SPAG16: variants seen among roughly 807,000 people sequenced by gnomAD.
The protein encoded by SPAG16 is sperm associated antigen 16, also known as sperm-associated antigen 16 protein.
A neutral mutation model predicts 80.4 loss-of-function variants in SPAG16; 86 were observed. That is an observed-to-expected ratio of 1.07 (90% CI 0.90 to 1.28). SPAG16 has a LOEUF of 1.28. Among genes scored for constraint, SPAG16 ranks in the 50% most tolerant of loss-of-function variants. The probability of loss-of-function intolerance (pLI) is 0.00; values close to 1 mark genes in which losing one functional copy is unlikely to be tolerated. For synonymous variants in SPAG16, 294 were observed against 265.9 expected (o/e 1.11, Z -1.03); for missense variants, 870 against 765.3 (o/e 1.14, Z -1.61).
At chr2:213,524,713 A>G (rs1575834939) in intron 10 of SPAG16, among the ~76,000 whole-genome samples, 2 of 152,274 alleles carry the variant, frequency 1.3e-5, no homozygotes, top group Non-Finnish European at 2.9e-5. Flanking sequence ...ATTTTGGTCA[A>G]TTTCTCCCAT....
chr2:213,805,520 A>G (rs2071712823), intron 10 of SPAG16, among the ~76,000 whole-genome samples: 1 of 152,204 alleles, frequency 6.6e-6, no homozygotes, highest in East Asian at 1.9e-4. Flanking sequence ...AGTACCTTTT[A>G]GGTTTTTAGA....
chr2:213,873,825 A>T (rs935507979), intron 11 of SPAG16, among the ~76,000 whole-genome samples: 3 of 152,048 alleles, frequency 2.0e-5, no homozygotes, highest in Non-Finnish European at 4.4e-5. Context: ...TGATAAATGC[A>T]TCATTAGGCA....
At chr2:214,165,469 CTTTTTTTTTTTTTTTTTT>C (rs67726428) in intron 15 of SPAG16, among the ~76,000 whole-genome samples, 16 of 37,856 alleles carry the variant, frequency 4.2e-4, no homozygotes, top group South Asian at 1.1e-3. Context: ...CATCACCATC[CTTTTTTTTTTTTTTTTTT>C]TTTTTTTTTT....
chr2:213,898,340 T>C (rs1165622558), intron 11 of SPAG16, among the ~76,000 whole-genome samples: 10 of 152,166 alleles, frequency 6.6e-5, no homozygotes, highest in Admixed American at 6.6e-4. Flanking sequence ...TTGTAAAACT[T>C]TGGGTAAGGA....
intron 10 of SPAG16, among the ~76,000 whole-genome samples, chr2:213,591,519 T>C (rs1326377016): frequency 6.6e-6 from 1 of 152,202 alleles, no homozygotes; most frequent in Non-Finnish European, 1.5e-5. Context: ...TTTATGTTTA[T>C]CATGTCATTT....
chr2:213,753,043 C>T (rs2068151850), intron 10 of SPAG16, among the ~76,000 whole-genome samples: 1 of 152,112 alleles, frequency 6.6e-6, no homozygotes, highest in Non-Finnish European at 1.5e-5. Context: ...GACGGAGTCT[C>T]GCTCTGTCAC....
chr2:214,126,208 A>G lies in SPAG16; in HGVS notation c.1593+17947A>G, dbSNP rs75716106. Among the ~76,000 whole-genome samples, 23 of 151,162 alleles carry G rather than the reference A, an allele frequency of 1.5e-4. No individual in the cohort carries two copies. The East Asian group carries it at 4.5e-3, about 29-fold the overall frequency. On this transcript the variant is annotated intron_variant, in intron 14 of 15. Transcript: ENST00000331683. ...ACGGAGAAGGGAGAAGGGAGAAGGG[A>G]TGGATTGAGCTTCCTAGGTTTTATG...
chr2:214,375,737 T>C (rs1259790290), intron 15 of SPAG16, among the ~76,000 whole-genome samples: 1 of 152,156 alleles, frequency 6.6e-6, no homozygotes, highest in Non-Finnish European at 1.5e-5. Context: ...CCATGGAGAG[T>C]TGGGAACTAT....
intron 9 of SPAG16, among the ~76,000 whole-genome samples, chr2:213,471,980 A>G (rs2073104361): frequency 6.6e-6 from 1 of 152,152 alleles, no homozygotes; most frequent in Non-Finnish European, 1.5e-5. Flanking sequence ...TTTTAGTCAG[A>G]TTTATTTTCC....
chr2:213,297,548 T>C (rs1427846618), intron 3 of SPAG16, among the ~76,000 whole-genome samples, 191 bp downstream of exon 3: 1 of 152,148 alleles, frequency 6.6e-6, no homozygotes, highest in Non-Finnish European at 1.5e-5. Context: ...GGATTGCCAT[T>C]CTCCACATCA....
chr2:214,151,799 T>A (rs2125576757), intron 15 of SPAG16, among the ~76,000 whole-genome samples: 1 of 151,734 alleles, frequency 6.6e-6, no homozygotes, highest in East Asian at 1.9e-4. Context: ...CGCTGTGCTC[T>A]TGGACTATTG....
At chr2:213,954,332 A>G (rs896129561) in intron 12 of SPAG16, among the ~76,000 whole-genome samples, 3 of 151,988 alleles carry the variant, frequency 2.0e-5, no homozygotes, top group Admixed American at 6.6e-5. Context: ...AAGTTCATCA[A>G]TGTTGTAGTA....
At chr2:214,009,893 A>C (rs1360308392) in intron 12 of SPAG16, among the ~76,000 whole-genome samples, 1 of 151,590 alleles carries the variant, frequency 6.6e-6, no homozygotes, top group East Asian at 1.9e-4. Flanking sequence ...AAGTCATAAT[A>C]AAAAGAAACC....
rs558311041 is a variant in SPAG16 at position 213,690,766 on chromosome 2, A to G, written c.1071-171719A>G. Among the ~76,000 whole-genome samples the G allele has an allele frequency of 1.2e-4, 18 of 152,150 alleles. 1 individual carries two copies. The South Asian group carries it at 3.7e-3, about 32-fold the overall frequency. The stretch of plus-strand genomic sequence containing the variant: ...TGGCTTCCTCTCCTCGTGCCCTTGG[A>G]TATTAACTCCAGGTTCTTCAGCCTT... On this transcript the variant is annotated intron_variant, in intron 10 of 15. Coordinates refer to ENST00000331683, the MANE Select transcript of SPAG16 (RefSeq NM_024532.5).
intron 15 of SPAG16, among the ~76,000 whole-genome samples, chr2:214,358,956 T>G (rs1352487154): frequency 6.6e-6 from 1 of 151,942 alleles, no homozygotes; most frequent in Non-Finnish European, 1.5e-5. Context: ...TGCTACCTTT[T>G]TTTCCTTCTA....
intron 10 of SPAG16, among the ~76,000 whole-genome samples, chr2:213,767,865 A>G (rs184557664): frequency 8.7e-4 from 132 of 152,338 alleles, no homozygotes; most frequent in African/African-American, 2.8e-3. Context: ...AAAATGGTAC[A>G]GAAGTAGACA....
rs34910737 is a variant in SPAG16 at position 213,522,798 on chromosome 2, A to AAT, written c.1070+32724_1070+32725dup. Among the ~76,000 whole-genome samples the AAT allele has an allele frequency of 5.8e-3, 857 of 146,716 alleles. 16 individuals carry two copies. Among genetic ancestry groups the AAT allele is most frequent in the African/African-American group, 8.3e-3 (337 of 40,480 alleles). On this transcript the variant is annotated intron_variant, in intron 10 of 15. Coordinates refer to ENST00000331683, the MANE Select transcript of SPAG16 (RefSeq NM_024532.5). ...TAAAATGCCCAAAACTTACATGCCA[A>AAT]ATATATATATATATATAACAAACTT...
At chr2:213,438,199 T>A (rs180784338) in intron 9 of SPAG16, among the ~76,000 whole-genome samples, 1 of 152,344 alleles carries the variant, frequency 6.6e-6, no homozygotes, top group East Asian at 1.9e-4. Context: ...CTTAGCCCTA[T>A]ATTTATAGAT....
chr2:214,343,967 G>A (rs1697891397), intron 15 of SPAG16, among the ~76,000 whole-genome samples: 1 of 152,120 alleles, frequency 6.6e-6, no homozygotes, highest in Non-Finnish European at 1.5e-5. Context: ...TATGCGAATG[G>A]ACTTGTGAAG....
Sources: allele counts gnomAD v4.1 joint callset (sites outside exome capture counted in the v4.1 genomes callset), GRCh38; gene constraint gnomAD v4.1.1; transcripts MANE v1.5; gene names NCBI Gene and HGNC (gene_info 2026-07-23, HGNC 2026-07-21).